RHPN2: variants seen among roughly 807,000 people sequenced by gnomAD.
The protein encoded by RHPN2 is rhophilin-2.
In RHPN2, 40 loss-of-function variants were observed where a neutral mutation model predicts 79.0. The ratio of observed to expected loss-of-function variants is 0.51; its 90% confidence interval spans 0.39 to 0.66. The LOEUF (loss-of-function observed/expected upper bound fraction) is 0.66, where lower values mean the gene tolerates loss of function less well. RHPN2 is among the 30% of genes least tolerant of loss of function. The pLI is 0.00. For missense variants in RHPN2, 686 were observed against 883.5 expected (o/e 0.78, Z 2.83); for synonymous variants, 285 against 363.5 (o/e 0.78, Z 2.46).
At chr19:33,024,897 G>A (rs1268788195) in intron 3 of RHPN2, among the ~76,000 whole-genome samples, 2 of 151,984 alleles carry the variant, frequency 1.3e-5, no homozygotes, top group Non-Finnish European at 2.9e-5. Flanking sequence ...GACTACAGGT[G>A]TGCACCACCA....
At chr19:33,051,877 C>G (rs988340299) in intron 1 of RHPN2, among the ~76,000 whole-genome samples, 1 of 120,134 alleles carries the variant, frequency 8.3e-6, no homozygotes, top group Non-Finnish European at 1.5e-5. Flanking sequence ...CAAAACTTAG[C>G]CCAGGCGTGG....
At chr19:33,005,492 C>A (rs1971782916) in intron 7 of RHPN2, among the ~76,000 whole-genome samples, 1 of 147,076 alleles carries the variant, frequency 6.8e-6, no homozygotes, top group Admixed American at 7.0e-5. Context: ...CCTCTGACTT[C>A]TTTGTAGTTT....
chr19:33,052,985 T>TG (rs1384806235), intron 1 of RHPN2, among the ~76,000 whole-genome samples: 1 of 151,958 alleles, frequency 6.6e-6, no homozygotes, highest in African/African-American at 2.4e-5. Context: ...CTTTTTTTTT[T>TG]TTTTGAGACG....
At chr19:32,995,546 A>C (rs1005828434) in intron 11 of RHPN2, among the ~76,000 whole-genome samples, 1 of 152,046 alleles carries the variant, frequency 6.6e-6, no homozygotes, top group Non-Finnish European at 1.5e-5. Flanking sequence ...CTGATTCTAC[A>C]CGAGAACAAA....
At chr19:33,052,387 G>A (rs915963478) in intron 1 of RHPN2, among the ~76,000 whole-genome samples, 13 of 152,220 alleles carry the variant, frequency 8.5e-5, no homozygotes, top group African/African-American at 3.1e-4. Context: ...GTAAAACTAA[G>A]TGAGAGATGA....
chr19:33,019,031 C>CAAAAAAAA (rs71301619), intron 4 of RHPN2, among the ~76,000 whole-genome samples: 1 of 105,324 alleles, frequency 9.5e-6, no homozygotes, highest in Non-Finnish European at 2.3e-5. Flanking sequence ...AACTCCAGCT[C>CAAAAAAAA]AAAAAAAAAA....
At chr19:33,043,145 T>A (rs1365996741) in intron 2 of RHPN2, among the ~76,000 whole-genome samples, 1 of 146,394 alleles carries the variant, frequency 6.8e-6, no homozygotes, top group Non-Finnish European at 1.5e-5. Context: ...AGTAGGCTGT[T>A]AGGAGGATTG....
intron 14 of RHPN2, among the ~76,000 whole-genome samples, chr19:32,985,145 C>CCCG (rs1971604816): frequency 6.6e-6 from 1 of 151,866 alleles, no homozygotes; most frequent in Non-Finnish European, 1.5e-5. Context: ...ATTACAGGCG[C>CCCG]CCGCCACCAC....
intron 1 of RHPN2, among the ~76,000 whole-genome samples, chr19:33,054,283 C>T (rs1972213970): frequency 6.7e-6 from 1 of 150,320 alleles, no homozygotes; most frequent in African/African-American, 2.5e-5. Context: ...TGACTGCAAC[C>T]CCCACCTCCG....
chr19:32,991,446 G>A (rs1971659092), intron 13 of RHPN2: 2 of 302,374 alleles, frequency 6.6e-6, no homozygotes, highest in South Asian at 3.0e-5. Context: ...GCGACAGAGT[G>A]AGACTGCGTC....
intron 4 of RHPN2, among the ~76,000 whole-genome samples, chr19:33,019,520 G>A (rs141611185): frequency 2.0e-5 from 3 of 151,676 alleles, no homozygotes; most frequent in East Asian, 3.9e-4. Flanking sequence ...TGAAGGTTGC[G>A]GTGAGCCGAG....
chr19:33,031,400 C>T (rs1382344102), intron 2 of RHPN2, among the ~76,000 whole-genome samples: 1 of 151,712 alleles, frequency 6.6e-6, no homozygotes, highest in African/African-American at 2.4e-5. Context: ...GCTGGGACTA[C>T]AGGCATGCAC....
intron 6 of RHPN2, among the ~76,000 whole-genome samples, chr19:33,009,709 C>T (rs1327309215): frequency 6.6e-6 from 1 of 152,190 alleles, no homozygotes; most frequent in Non-Finnish European, 1.5e-5. Context: ...CCCACCTTGG[C>T]CTCCCAACCT....
chr19:32,984,939 C>T (rs1284261136), intron 14 of RHPN2, among the ~76,000 whole-genome samples: 1 of 151,892 alleles, frequency 6.6e-6, no homozygotes, highest in Admixed American at 6.6e-5. Flanking sequence ...GAGACTGTCA[C>T]TACAAAAAAA....
chr19:33,048,837 G>T (rs1972164769), intron 1 of RHPN2, among the ~76,000 whole-genome samples: 1 of 151,238 alleles, frequency 6.6e-6, no homozygotes, highest in Admixed American at 6.6e-5. Context: ...CGACGATTCA[G>T]TTTGACTCTG....
intron 3 of RHPN2, among the ~76,000 whole-genome samples, chr19:33,026,213 G>A (rs1480369507): frequency 1.3e-5 from 2 of 151,572 alleles, no homozygotes; most frequent in African/African-American, 4.8e-5. Context: ...CTGACCTCAG[G>A]TGATCCACCC....
At chr19:33,036,916 C>T (rs573971625) in intron 2 of RHPN2, among the ~76,000 whole-genome samples, 1 of 151,982 alleles carries the variant, frequency 6.6e-6, no homozygotes, top group South Asian at 2.1e-4. Context: ...CGAGCCTCCC[C>T]GACGAGCGCC....
chr19:33,044,923 T>G (rs1286838552), intron 1 of RHPN2, among the ~76,000 whole-genome samples: 1 of 151,838 alleles, frequency 6.6e-6, no homozygotes, highest in Non-Finnish European at 1.5e-5. Context: ...TAAAGACATA[T>G]CTCTAGGGCA....
At position 33,053,425 on chromosome 19, in the gene RHPN2, C is replaced by CT. The variant is rs11297306; in HGVS notation, c.70-9062dup. Among the ~76,000 whole-genome samples, 424 of 132,026 alleles carry CT rather than the reference C, an allele frequency of 3.2e-3. 2 individuals are homozygous for CT. The highest frequency in any genetic ancestry group is 8.0e-3 in the Middle Eastern group (2 of 250). 86.6% of individuals were successfully genotyped at this position (132,026 alleles called of 152,430 possible). A position where few individuals can be genotyped will look rare whatever the true frequency, so the allele number is the denominator to read the frequency against. The stretch of plus-strand genomic sequence containing the variant: ...CTCAACAACAGTTTTAACAGTTTTG[C>CT]TTTTTTTTTTTTTTTTGAGATGGAG... On this transcript the variant is annotated intron_variant, in intron 1 of 14. Coordinates refer to ENST00000254260, the MANE Select transcript of RHPN2 (RefSeq NM_033103.5).
Sources: gnomAD v4.1 joint callset for allele counts (sites outside exome capture counted in the v4.1 genomes callset) on GRCh38, gnomAD v4.1.1 for gene constraint, MANE v1.5 for transcripts, NCBI Gene and HGNC (gene_info 2026-07-23, HGNC 2026-07-21) for gene names.